The following FHIP1A variants were observed in gnomAD, a reference collection of about 807,000 sequenced individuals.
FHIP1A encodes FHF complex subunit HOOK interacting protein 1A.
In FHIP1A, 61 loss-of-function variants were observed where a neutral mutation model predicts 88.6. The observed-to-expected ratio is 0.69, with a 90% CI of 0.56 to 0.85. FHIP1A has a LOEUF of 0.85. Ranked by LOEUF, FHIP1A falls within the 40% of genes least tolerant of loss-of-function variation. The probability of loss-of-function intolerance (pLI) is 0.00; values close to 1 mark genes in which losing one functional copy is unlikely to be tolerated. For missense variants in FHIP1A, 1,154 were observed against 1,273.5 expected (o/e 0.91, Z 1.43); for synonymous variants, 478 against 496.0 (o/e 0.96, Z 0.48).
At chr4:151,589,650 A>G (rs977155612) in intron 7 of FHIP1A, among the ~76,000 whole-genome samples, 1 of 152,190 alleles carries the variant, frequency 6.6e-6, no homozygotes, top group Non-Finnish European at 1.5e-5. Flanking sequence ...CAACTTGATC[A>G]TATGTTGTTT....
chr4:151,661,173 G>A (rs548335334), intron 13 of FHIP1A, among the ~76,000 whole-genome samples: 11 of 152,260 alleles, frequency 7.2e-5, no homozygotes, highest in East Asian at 1.9e-4. Flanking sequence ...TTTGCTGGGC[G>A]CTTTGGAGAG....
At chr4:151,507,844 G>C (rs895108376) in intron 3 of FHIP1A, among the ~76,000 whole-genome samples, 3 of 152,176 alleles carry the variant, frequency 2.0e-5, no homozygotes, top group Non-Finnish European at 4.4e-5. Context: ...GAAAAGAATG[G>C]TAAAGGCTAT....
Position 151,650,153 on chromosome 4 carries a change from G to T in FHIP1A, c.2112G>T (p.Pro704=). The T allele has an allele frequency of 6.4e-7, 1 of 1,551,672 alleles. No individual in the cohort carries two copies. Residue 704 remains proline, a synonymous_variant, in exon 11 of 14, where the codon CCG becomes CCT. Transcript: ENST00000435205. ...EEEWNRDNSD[P]FHSEPKEPKQ... ...AGTGGAATAGGGACAATTCAGACCC[G>T]TTTCACAGTGAGCCCAAGGAGCCAA...
intron 7 of FHIP1A, among the ~76,000 whole-genome samples, chr4:151,606,990 G>C (rs183756417): frequency 6.6e-6 from 1 of 152,286 alleles, no homozygotes; most frequent in Admixed American, 6.5e-5. Context: ...CTGGTTCCGG[G>C]ACAGACAGGT....
At chr4:151,592,429 C>T (rs551987316) in intron 7 of FHIP1A, among the ~76,000 whole-genome samples, 5 of 152,310 alleles carry the variant, frequency 3.3e-5, no homozygotes, top group East Asian at 3.9e-4. Flanking sequence ...CCACCGCGCC[C>T]GGCTGTTCCC....
intron 3 of FHIP1A, among the ~76,000 whole-genome samples, chr4:151,542,171 C>G (rs974073348): frequency 6.6e-6 from 1 of 152,056 alleles, no homozygotes; most frequent in Non-Finnish European, 1.5e-5. Flanking sequence ...GGTTGTGTGA[C>G]GAGAACCCAG....
intron 7 of FHIP1A, among the ~76,000 whole-genome samples, chr4:151,625,324 G>A (rs2126870807): frequency 6.6e-6 from 1 of 152,116 alleles, no homozygotes; most frequent in South Asian, 2.1e-4. Flanking sequence ...ATTTGGAGAG[G>A]GTGCCACCTG....
intron 7 of FHIP1A, among the ~76,000 whole-genome samples, chr4:151,605,939 G>A (rs760469138): frequency 6.6e-6 from 1 of 152,108 alleles, no homozygotes; most frequent in South Asian, 2.1e-4. Flanking sequence ...GGCATATTTT[G>A]GACTTTTATG....
At chr4:151,568,988 TTTG>T (rs1431901482) in intron 4 of FHIP1A, among the ~76,000 whole-genome samples, 1 of 152,132 alleles carries the variant, frequency 6.6e-6, no homozygotes, top group Admixed American at 6.6e-5. Context: ...ATGCTACTTA[TTTG>T]TTGTTTTGGA....
At chr4:151,517,537 T>C (rs898366643) in intron 3 of FHIP1A, among the ~76,000 whole-genome samples, 15 of 152,204 alleles carry the variant, frequency 9.9e-5, no homozygotes, top group Admixed American at 2.6e-4. Context: ...CCTTTTTCTG[T>C]GCATATTTTT....
At chr4:151,660,110 A>G (rs1481778740) in intron 13 of FHIP1A, among the ~76,000 whole-genome samples, 3 of 152,212 alleles carry the variant, frequency 2.0e-5, no homozygotes, top group Non-Finnish European at 2.9e-5. Flanking sequence ...GGTAGGGACC[A>G]TAACTCGGGT....
intron 3 of FHIP1A, among the ~76,000 whole-genome samples, chr4:151,543,957 TG>T (rs2126732037): frequency 6.6e-6 from 1 of 152,300 alleles, no homozygotes; most frequent in African/African-American, 2.4e-5. Flanking sequence ...AGGCACTGAT[TG>T]ATTGTGAAAA....
chr4:151,573,471 A>G (rs546727118), intron 4 of FHIP1A, among the ~76,000 whole-genome samples: 1 of 152,316 alleles, frequency 6.6e-6, no homozygotes, highest in South Asian at 2.1e-4. Context: ...TTTTCAGCCT[A>G]ACAAAGTAAA....
intron 3 of FHIP1A, among the ~76,000 whole-genome samples, chr4:151,496,226 CAA>C (rs995029007): frequency 6.0e-5 from 9 of 149,628 alleles, no homozygotes; most frequent in Non-Finnish European, 1.0e-4. Context: ...ATTAAATAAA[CAA>C]AAGATTATAT....
At chr4:151,568,673 A>G (rs1186013163) in intron 4 of FHIP1A, among the ~76,000 whole-genome samples, 1 of 152,214 alleles carries the variant, frequency 6.6e-6, no homozygotes, top group East Asian at 1.9e-4. Flanking sequence ...TGACAATGCA[A>G]GATACATTAT....
At chr4:151,541,124 C>A (rs755046780) in intron 3 of FHIP1A, among the ~76,000 whole-genome samples, 1 of 152,160 alleles carries the variant, frequency 6.6e-6, no homozygotes, top group East Asian at 1.9e-4. Flanking sequence ...AGATATGCTA[C>A]ACTAGTTTTT....
chr4:151,541,052 T>A (rs1732265199), intron 3 of FHIP1A, among the ~76,000 whole-genome samples: 1 of 152,226 alleles, frequency 6.6e-6, no homozygotes, highest in African/African-American at 2.4e-5. Flanking sequence ...GACTACTTGA[T>A]GAAGCTAGTG....
At chr4:151,625,311 C>T (rs1325498323) in intron 7 of FHIP1A, among the ~76,000 whole-genome samples, 1 of 152,144 alleles carries the variant, frequency 6.6e-6, no homozygotes, top group Non-Finnish European at 1.5e-5. Context: ...AGGGTGGCTT[C>T]TAATTTGGAG....
intron 5 of FHIP1A, among the ~76,000 whole-genome samples, chr4:151,578,537 T>TG (rs927021407): frequency 5.9e-5 from 9 of 152,110 alleles, no homozygotes; most frequent in East Asian, 3.9e-4. Flanking sequence ...CATAGGAACA[T>TG]GGGGGGGTGG....
Sources: allele counts gnomAD v4.1 joint callset (sites outside exome capture counted in the v4.1 genomes callset), GRCh38; gene constraint gnomAD v4.1.1; transcripts MANE v1.5; gene names NCBI Gene and HGNC (gene_info 2026-07-23, HGNC 2026-07-21).